Variants in GPC5 observed in about 807,000 individuals in gnomAD.
GPC5 encodes the protein glypican 5, also known as glypican-5.
A neutral mutation model predicts 53.9 loss-of-function variants in GPC5; 47 were observed. The observed-to-expected ratio is 0.87, with a 90% CI of 0.69 to 1.11. The LOEUF (loss-of-function observed/expected upper bound fraction) is 1.11. Ranked by LOEUF, GPC5 falls within the 50% of genes most tolerant of loss-of-function variation. The pLI, the probability that GPC5 is intolerant of heterozygous loss-of-function variation, is 0.00. For missense variants in GPC5, 748 were observed against 713.1 expected, an observed-to-expected ratio of 1.05 and a Z score of -0.56; for synonymous variants, 286 against 263.3, an observed-to-expected ratio of 1.09 and a Z score of -0.84.
At chr13:91,778,806 A>AT (rs1381711104) in intron 5 of GPC5, among the ~76,000 whole-genome samples, 1 of 152,216 alleles carries the variant, frequency 6.6e-6, no homozygotes, top group Non-Finnish European at 1.5e-5. Context: ...TTGTAAGATG[A>AT]TTTTGCCATT....
intron 1 of GPC5, among the ~76,000 whole-genome samples, chr13:91,430,767 T>C (rs1378226204): frequency 6.6e-6 from 1 of 152,196 alleles, no homozygotes; most frequent in African/African-American, 2.4e-5. Context: ...AGATTTTTGT[T>C]TATTTTTATT....
chr13:92,556,901 T>G (rs1882513332), intron 7 of GPC5, among the ~76,000 whole-genome samples: 1 of 151,876 alleles, frequency 6.6e-6, no homozygotes, highest in African/African-American at 2.4e-5. Flanking sequence ...GGTATGTAAG[T>G]GTTCTTTAAA....
At chr13:92,417,169 A>G (rs1276326076) in intron 7 of GPC5, among the ~76,000 whole-genome samples, 1 of 152,258 alleles carries the variant, frequency 6.6e-6, no homozygotes, top group Non-Finnish European at 1.5e-5. Context: ...GTTGGGGACC[A>G]TCTGCACAGG....
At chr13:92,682,388 T>C (rs1474385870) in intron 7 of GPC5, among the ~76,000 whole-genome samples, 1 of 152,236 alleles carries the variant, frequency 6.6e-6, no homozygotes, top group Non-Finnish European at 1.5e-5. Context: ...GGAGCCCTGC[T>C]ATTTCTTCAT....
intron 7 of GPC5, among the ~76,000 whole-genome samples, chr13:92,567,530 G>A (rs1882897549): frequency 6.6e-6 from 1 of 152,136 alleles, no homozygotes; most frequent in Admixed American, 6.6e-5. Context: ...TAGAATGGGA[G>A]ATTATCCTGG....
At chr13:92,793,318 A>G (rs1876536390) in intron 7 of GPC5, among the ~76,000 whole-genome samples, 1 of 152,216 alleles carries the variant, frequency 6.6e-6, no homozygotes, top group Non-Finnish European at 1.5e-5. Context: ...GCAGAAAAAA[A>G]GATGTTCTTC....
intron 7 of GPC5, among the ~76,000 whole-genome samples, chr13:92,791,089 G>C (rs1016298899): frequency 6.6e-6 from 1 of 151,952 alleles, no homozygotes; most frequent in African/African-American, 2.4e-5. Context: ...CAGTCAGTTA[G>C]AATAAAGACC....
chr13:92,379,558 CT>C (rs1454500421), intron 7 of GPC5, among the ~76,000 whole-genome samples: 2 of 150,682 alleles, frequency 1.3e-5, no homozygotes, highest in African/African-American at 5.0e-5. Context: ...CCCTGTGCCC[CT>C]TGCATATTAG....
At chr13:92,427,881 A>G (rs1277522961) in intron 7 of GPC5, among the ~76,000 whole-genome samples, 1 of 152,168 alleles carries the variant, frequency 6.6e-6, no homozygotes, top group African/African-American at 2.4e-5. Flanking sequence ...AGTGTTTGCC[A>G]AAAAGTAACT....
chr13:92,219,045 A>ATCCCAACAT (rs1319276574), intron 7 of GPC5, among the ~76,000 whole-genome samples: 2 of 152,168 alleles, frequency 1.3e-5, no homozygotes, highest in African/African-American at 4.8e-5. Context: ...GATTTTAATC[A>ATCCCAACAT]TCCCAACATT....
intron 7 of GPC5, among the ~76,000 whole-genome samples, chr13:92,638,338 G>A (rs1046868067): frequency 6.6e-6 from 1 of 152,092 alleles, no homozygotes; most frequent in Non-Finnish European, 1.5e-5. Flanking sequence ...TAAAGAAAAG[G>A]AAACCTTCTC....
intron 7 of GPC5, among the ~76,000 whole-genome samples, chr13:92,592,420 T>G (rs1883742999): frequency 6.6e-6 from 1 of 151,324 alleles, no homozygotes. Context: ...TCTTCCATTT[T>G]TTTCTTCTCT....
rs112884525 is a variant in GPC5, at chr13:91,641,285, G to A, written c.326-51902G>A. Among the ~76,000 whole-genome samples, 1,157 of 152,266 alleles carry A rather than the reference G, an allele frequency of 7.6e-3. 18 individuals carry two copies. The highest frequency in any genetic ancestry group is 0.027 in the African/African-American group (1,114 of 41,560). On this transcript the variant is annotated intron_variant, in intron 2 of 7. Transcript: ENST00000377067. Reference sequence around the variant, plus strand: ...GGAGCTTGCAGTGAGCCAAGATAGCGCCACTGCAGTCCAGCCTGGGCAAAA... The same window carrying A: ...GGAGCTTGCAGTGAGCCAAGATAGCACCACTGCAGTCCAGCCTGGGCAAAA...
chr13:92,093,618 A>G (rs1278846853), intron 6 of GPC5, among the ~76,000 whole-genome samples: 2 of 152,182 alleles, frequency 1.3e-5, no homozygotes, highest in African/African-American at 4.8e-5. Context: ...TTTCTTTTTA[A>G]TACTTCTAAT....
intron 7 of GPC5, among the ~76,000 whole-genome samples, chr13:92,207,966 G>T (rs2042349392): frequency 6.6e-6 from 1 of 152,214 alleles, no homozygotes; most frequent in South Asian, 2.1e-4. Flanking sequence ...TGTCCCCCAT[G>T]TACAGAGCTG....
chr13:92,509,124 T>C lies in GPC5; in HGVS notation c.1562-357158T>C, dbSNP rs138936386. On this transcript the variant is annotated intron_variant, in intron 7 of 7. Coordinates refer to ENST00000377067, the MANE Select transcript of GPC5 (RefSeq NM_004466.6). ...GAAAGTGGCTAAGTAATAGAATAGTTTGATGTGAAGAATTCCATGGTATAG... is the reference window on the plus strand; with the variant it reads ...GAAAGTGGCTAAGTAATAGAATAGTCTGATGTGAAGAATTCCATGGTATAG... Among the ~76,000 whole-genome samples the C allele has an allele frequency of 4.8e-3, 725 of 152,256 alleles. 7 individuals are homozygous for C. The highest frequency in any genetic ancestry group is 0.016 in the African/African-American group (663 of 41,536).
chr13:91,815,584 A>AT (rs1168908660), intron 5 of GPC5, among the ~76,000 whole-genome samples: 1 of 152,186 alleles, frequency 6.6e-6, no homozygotes, highest in African/African-American at 2.4e-5. Flanking sequence ...AAATCTGGAC[A>AT]TTATGATTCC....
intron 2 of GPC5, among the ~76,000 whole-genome samples, chr13:91,491,804 T>C (rs894677488): frequency 6.6e-6 from 1 of 152,162 alleles, no homozygotes; most frequent in Non-Finnish European, 1.5e-5. Flanking sequence ...AAGTAATGCA[T>C]TTAAGGCCTA....
chr13:91,922,736 T>C lies in GPC5; in HGVS notation c.1401+14679T>C, dbSNP rs548238619. 2.6e-5 allele frequency among the ~76,000 whole-genome samples: 4 copies of C among 152,332 alleles called. 1 individual carries two copies. In the South Asian group the frequency reaches 8.3e-4, roughly 32 times the overall value. ...ATTGAGTGAGATCTACAGTCAACTT[T>C]CTTTGTTTGCACCCATTTTCTGTAC... is the stretch of plus-strand genomic sequence containing the variant. On this transcript the variant is annotated intron_variant, in intron 6 of 7. Transcript: ENST00000377067.
Sources: allele counts gnomAD v4.1 joint callset (sites outside exome capture counted in the v4.1 genomes callset), GRCh38; gene constraint gnomAD v4.1.1; transcripts MANE v1.5; gene names NCBI Gene and HGNC (gene_info 2026-07-23, HGNC 2026-07-21).